The following CRTAC1 variants were observed in gnomAD, a reference collection of about 807,000 sequenced individuals.
CRTAC1 encodes acidic secreted protein in cartilage.
A neutral mutation model predicts 67.8 loss-of-function variants in CRTAC1; 37 were observed. That is an observed-to-expected ratio of 0.55 (90% CI 0.42 to 0.72). The LOEUF (loss-of-function observed/expected upper bound fraction) is 0.72. CRTAC1 is among the 30% of genes least tolerant of loss of function. CRTAC1 has a pLI of 0.00. For missense variants in CRTAC1, 780 were observed against 931.6 expected (o/e 0.84, Z 2.12); for synonymous variants, 348 against 371.0 (o/e 0.94, Z 0.71).
intron 2 of CRTAC1, among the ~76,000 whole-genome samples, chr10:97,977,231 T>C (rs2051821509): frequency 6.6e-6 from 1 of 152,198 alleles, no homozygotes. Flanking sequence ...GCATCTTTTG[T>C]GACAGGTTCT....
Position 97,915,838 on chromosome 10 carries a change from C to T in CRTAC1, c.715+1662G>A, listed in dbSNP as rs911438700. ...GGAAGTCTGCAGAGCTGTTCGAACA[C>T]GTCCTCTGGGCACGCCAGCTGCCCC... On this transcript the variant is annotated intron_variant, in intron 5 of 14. Coordinates refer to ENST00000370597, the MANE Select transcript of CRTAC1 (RefSeq NM_018058.7). Among the ~76,000 whole-genome samples the T allele has an allele frequency of 6.6e-5, 10 of 152,254 alleles. No individual in the cohort carries two copies. In the East Asian group the frequency reaches 9.7e-4, roughly 15 times the overall value.
At chr10:97,943,449 T>A (rs994161113) in intron 2 of CRTAC1, among the ~76,000 whole-genome samples, 1 of 152,242 alleles carries the variant, frequency 6.6e-6, no homozygotes, top group African/African-American at 2.4e-5. Flanking sequence ...GATATGATCA[T>A]AGAGAAATAA....
chr10:97,912,628 G>A (rs1234711556), intron 5 of CRTAC1, among the ~76,000 whole-genome samples: 1 of 152,188 alleles, frequency 6.6e-6, no homozygotes, highest in Non-Finnish European at 1.5e-5. Context: ...AAGATGGTGG[G>A]GAGGGAGGGT....
At chr10:97,930,550 C>G (rs1035440226) in intron 3 of CRTAC1, among the ~76,000 whole-genome samples, 1 of 152,182 alleles carries the variant, frequency 6.6e-6, no homozygotes, top group Non-Finnish European at 1.5e-5. Context: ...GCCTAACAGT[C>G]TGCATTTTTA....
intron 6 of CRTAC1, among the ~76,000 whole-genome samples, chr10:97,906,869 G>A (rs2050619299): frequency 6.6e-6 from 1 of 152,190 alleles, no homozygotes; most frequent in Admixed American, 6.5e-5. Context: ...AGAACAGACT[G>A]GCACACGTGC....
At chr10:97,868,800 G>C (rs1404205103) in intron 14 of CRTAC1, 1 of 152,146 alleles carries the variant, frequency 6.6e-6, no homozygotes, top group Non-Finnish European at 1.5e-5. Context: ...AACCAAATCT[G>C]GGTGCTTATC....
chr10:97,907,504 G>T (rs182180585), intron 6 of CRTAC1, among the ~76,000 whole-genome samples: 1 of 151,464 alleles, frequency 6.6e-6, no homozygotes, highest in Non-Finnish European at 1.5e-5. Context: ...TATTACAGCC[G>T]GATATTTTTG....
intron 3 of CRTAC1, among the ~76,000 whole-genome samples, chr10:97,933,630 C>T (rs1226592452): frequency 6.6e-6 from 1 of 152,254 alleles, no homozygotes; most frequent in Non-Finnish European, 1.5e-5. Context: ...CGGAGAAACA[C>T]AAGGCCGTGT....
intron 1 of CRTAC1, among the ~76,000 whole-genome samples, chr10:98,017,230 G>T (rs567785953): frequency 6.6e-6 from 1 of 152,266 alleles, no homozygotes; most frequent in South Asian, 2.1e-4. Context: ...GTGCAAAGAT[G>T]AATAAAACCC....
At chr10:98,014,064 C>A (rs774694517) in intron 1 of CRTAC1, among the ~76,000 whole-genome samples, 1 of 152,108 alleles carries the variant, frequency 6.6e-6, no homozygotes, top group East Asian at 1.9e-4. Flanking sequence ...GTCTTGATGG[C>A]GTATTTTTTG....
At chr10:97,958,672 A>C (rs1001519747) in intron 2 of CRTAC1, among the ~76,000 whole-genome samples, 5 of 152,072 alleles carry the variant, frequency 3.3e-5, no homozygotes, top group Non-Finnish European at 5.9e-5. Context: ...ACCCTTTCTT[A>C]CTTGATAGGA....
At chr10:97,989,061 A>T (rs915489656) in intron 2 of CRTAC1, among the ~76,000 whole-genome samples, 3 of 152,206 alleles carry the variant, frequency 2.0e-5, no homozygotes, top group African/African-American at 7.2e-5. Flanking sequence ...GCCTCACTGC[A>T]GAGCTGGGGC....
At chr10:97,891,898 G>A (rs368866348) in intron 11 of CRTAC1, among the ~76,000 whole-genome samples, 27 of 152,326 alleles carry the variant, frequency 1.8e-4, no homozygotes, top group African/African-American at 3.1e-4. Context: ...GAGGCGCCTC[G>A]TGACCCAAGG....
rs755202875 is a variant in CRTAC1 at position 97,936,286 on chromosome 10, G to A, written c.305C>T (p.Ser102Leu). ...CCGGTCCCGCAGCGCGTAGTAGGGTGAGCTGCGCTCATCGACCGCGATGTT... is the reference window on the plus strand; with the variant it reads ...CCGGTCCCGCAGCGCGTAGTAGGGTAAGCTGCGCTCATCGACCGCGATGTT... The part of the protein sequence containing the change: ...LVNIAVDERS[S>L]PYYALRDRQG... The change falls in exon 3 of 15, where the codon TCA becomes TTA. Residue 102 changes from serine (S) to leucine (L), a missense_variant. Coordinates refer to ENST00000370597, the MANE Select transcript of CRTAC1 (RefSeq NM_018058.7). 5 of 1,613,962 alleles carry A rather than the reference G, an allele frequency of 3.1e-6. No homozygotes were observed. The highest frequency in any genetic ancestry group is 4.2e-6 in the Non-Finnish European group (5 of 1,179,928).
intron 3 of CRTAC1, among the ~76,000 whole-genome samples, chr10:97,926,019 C>T (rs767839553): frequency 1.3e-5 from 2 of 152,114 alleles, no homozygotes; most frequent in Non-Finnish European, 2.9e-5. Context: ...GGTCCTCACC[C>T]GACAGCAGGG....
intron 2 of CRTAC1, among the ~76,000 whole-genome samples, chr10:97,955,604 A>C (rs1269812859): frequency 6.6e-6 from 1 of 152,158 alleles, no homozygotes; most frequent in Non-Finnish European, 1.5e-5. Context: ...GCATGCCTCT[A>C]CTGACCAGTT....
intron 3 of CRTAC1, among the ~76,000 whole-genome samples, chr10:97,928,695 G>A: frequency 6.6e-6 from 1 of 152,182 alleles, no homozygotes; most frequent in East Asian, 1.9e-4. Context: ...TCATGAGGGA[G>A]GAGGCAACTG....
intron 14 of CRTAC1, among the ~76,000 whole-genome samples, chr10:97,873,522 A>G (rs781135404): frequency 6.6e-6 from 1 of 152,134 alleles, no homozygotes; most frequent in Non-Finnish European, 1.5e-5. Flanking sequence ...TCCTTCTGCC[A>G]TGGTCTCCAT....
At position 97,904,948 on chromosome 10, in the gene CRTAC1, CAT is replaced by C. The variant is rs949794900; in HGVS notation, c.851-136_851-135del. ...TGTTCCCGGGAGGAGATACGGGAGA[CAT>C]AGCTGCAGTCTCAGAAGCTCTCTAT... On this transcript the variant is annotated intron_variant, in intron 6 of 14. Coordinates refer to ENST00000370597, the MANE Select transcript of CRTAC1 (RefSeq NM_018058.7). 1.0e-5 allele frequency: 11 copies of C among 1,053,970 alleles called. No individual in the cohort carries two copies. In the African/African-American group the frequency reaches 1.8e-4, roughly 17 times the overall value. The allele number at this position is 1,053,970 out of a possible 1,614,324, so 65.3% of individuals were successfully genotyped here.
Sources: gnomAD v4.1 joint callset for allele counts (sites outside exome capture counted in the v4.1 genomes callset) on GRCh38, gnomAD v4.1.1 for gene constraint, MANE v1.5 for transcripts, NCBI Gene and HGNC (gene_info 2026-07-23, HGNC 2026-07-21) for gene names.